The following SDK1 variants were observed in gnomAD, a reference collection of about 807,000 sequenced individuals.
SDK1 encodes sidekick cell adhesion molecule 1.
A neutral mutation model predicts 245.5 loss-of-function variants in SDK1; 157 were observed. The observed-to-expected ratio is 0.64, with a 90% CI of 0.56 to 0.73. The LOEUF is 0.73. SDK1 is among the 30% of genes least tolerant of loss of function. The probability of loss-of-function intolerance (pLI) is 0.00; values close to 1 mark genes in which losing one functional copy is unlikely to be tolerated. For synonymous variants in SDK1, 1,647 were observed against 1,278.5 expected (o/e 1.29, Z -6.15); for missense variants, 3,583 against 3,002.3 (o/e 1.19, Z -4.52).
At chr7:3,854,838 A>T (rs1780505038) in intron 5 of SDK1, among the ~76,000 whole-genome samples, 1 of 152,154 alleles carries the variant, frequency 6.6e-6, no homozygotes, top group Non-Finnish European at 1.5e-5. Context: ...GGGATGTATT[A>T]TGAGGAATCG....
intron 4 of SDK1, among the ~76,000 whole-genome samples, chr7:3,707,165 T>C (rs1784915238): frequency 6.6e-6 from 1 of 152,238 alleles, no homozygotes; most frequent in South Asian, 2.1e-4. Flanking sequence ...TTATGATCTT[T>C]CAGAATTTTT....
intron 4 of SDK1, among the ~76,000 whole-genome samples, chr7:3,811,354 A>T (rs750205797): frequency 6.6e-6 from 1 of 152,176 alleles, no homozygotes; most frequent in South Asian, 2.1e-4. Context: ...TCATGGTGTC[A>T]TTGATGGTGT....
intron 4 of SDK1, among the ~76,000 whole-genome samples, chr7:3,667,745 G>A (rs1236842165): frequency 6.6e-6 from 1 of 152,092 alleles, no homozygotes; most frequent in Non-Finnish European, 1.5e-5. Flanking sequence ...TAATGCATCT[G>A]GTACTCATCT....
intron 2 of SDK1, among the ~76,000 whole-genome samples, chr7:3,627,240 G>A (rs906540056): frequency 1.1e-4 from 16 of 152,060 alleles, no homozygotes; most frequent in African/African-American, 2.9e-4. Context: ...ACACTACCAG[G>A]CATTGTTCCG....
At chr7:3,314,410 C>G (rs1309689231) in intron 1 of SDK1, among the ~76,000 whole-genome samples, 1 of 152,150 alleles carries the variant, frequency 6.6e-6, no homozygotes, top group African/African-American at 2.4e-5. Flanking sequence ...GGACTTGGAT[C>G]TTGGCCAGCA....
intron 1 of SDK1, among the ~76,000 whole-genome samples, chr7:3,366,196 A>C (rs1781086139): frequency 1.3e-5 from 2 of 152,212 alleles, no homozygotes; most frequent in Admixed American, 6.5e-5. Flanking sequence ...ATTAAATAAA[A>C]AGTTCTACAT....
chr7:3,307,942 C>G lies in SDK1; in HGVS notation c.298+6058C>G, dbSNP rs545687873. ...TGCATGTGTCTCCTGTCTGGGGATT[C>G]TGTAACTCCATATGTCTTAGCTTAG... On this transcript the variant is annotated intron_variant, in intron 1 of 44. Transcript: ENST00000404826. Among the ~76,000 whole-genome samples the G allele has an allele frequency of 3.9e-5, 6 of 152,252 alleles. No individual in the cohort carries two copies. In the South Asian group the frequency reaches 1.2e-3, roughly 32 times the overall value.
chr7:3,440,967 C>G (rs750269292), intron 1 of SDK1, among the ~76,000 whole-genome samples: 21 of 152,248 alleles, frequency 1.4e-4, no homozygotes, highest in East Asian at 5.8e-4. Flanking sequence ...ATGAGTTACA[C>G]CAAGTGAGGG....
intron 1 of SDK1, among the ~76,000 whole-genome samples, chr7:3,463,875 C>G (rs1318718226): frequency 4.6e-5 from 7 of 152,190 alleles, no homozygotes; most frequent in Admixed American, 4.6e-4. Context: ...GCTTCTTGGA[C>G]ACATTCCAGG....
At chr7:4,144,276 A>G (rs929573976) in intron 28 of SDK1, among the ~76,000 whole-genome samples, 4 of 152,224 alleles carry the variant, frequency 2.6e-5, no homozygotes, top group Non-Finnish European at 5.9e-5. Flanking sequence ...CACATCCAGG[A>G]AGTCTCAGAA....
intron 7 of SDK1, among the ~76,000 whole-genome samples, chr7:3,953,287 G>A (rs941356109): frequency 5.3e-5 from 8 of 152,022 alleles, no homozygotes; most frequent in Admixed American, 4.6e-4. Flanking sequence ...ATGACTCCAT[G>A]TCCTGACCTT....
chr7:3,516,782 T>C (rs1237232275), intron 1 of SDK1, among the ~76,000 whole-genome samples: 2 of 152,184 alleles, frequency 1.3e-5, no homozygotes, highest in African/African-American at 4.8e-5. Context: ...TTAGACATTT[T>C]TACTTTAAAA....
At chr7:4,218,843 A>G (rs188623570) in intron 38 of SDK1, among the ~76,000 whole-genome samples, 2 of 152,064 alleles carry the variant, frequency 1.3e-5, no homozygotes, top group African/African-American at 4.8e-5. Context: ...GTGGAGATTA[A>G]TCTATTGAAA....
At chr7:4,220,313 A>AATGATAC in intron 39 of SDK1, 43 bp downstream of exon 39, 1 of 1,588,610 alleles carries the variant, frequency 6.3e-7, no homozygotes, top group Non-Finnish European at 8.6e-7. Context: ...TTGCAACTTT[A>AATGATAC]GCCTCCCGCC....
intron 1 of SDK1, among the ~76,000 whole-genome samples, chr7:3,547,041 C>T (rs962598080): frequency 6.6e-6 from 1 of 152,056 alleles, no homozygotes; most frequent in Admixed American, 6.5e-5. Context: ...AAAAATGTAG[C>T]TCATACATAG....
chr7:3,713,677 C>T (rs931717627), intron 4 of SDK1, among the ~76,000 whole-genome samples: 5 of 152,204 alleles, frequency 3.3e-5, no homozygotes, highest in Non-Finnish European at 7.3e-5. Flanking sequence ...CTTTCTGTCA[C>T]AGTATTTGAT....
intron 1 of SDK1, among the ~76,000 whole-genome samples, chr7:3,474,758 A>T (rs943244680): frequency 6.6e-6 from 1 of 152,066 alleles, no homozygotes; most frequent in African/African-American, 2.4e-5. Context: ...TGGCATGATC[A>T]TAGCTCACTG....
At chr7:3,706,840 G>A (rs1562385775) in intron 4 of SDK1, among the ~76,000 whole-genome samples, 1 of 152,078 alleles carries the variant, frequency 6.6e-6, no homozygotes, top group Non-Finnish European at 1.5e-5. Context: ...TTTCTAATTT[G>A]TGTGCACAAA....
chr7:4,256,289 G>A (rs965836948), intron 44 of SDK1, among the ~76,000 whole-genome samples: 1 of 152,138 alleles, frequency 6.6e-6, no homozygotes, highest in Non-Finnish European at 1.5e-5. Flanking sequence ...CTGGGGAGAG[G>A]GTCTGCTGAC....
Sources: allele counts gnomAD v4.1 joint callset (sites outside exome capture counted in the v4.1 genomes callset), GRCh38; gene constraint gnomAD v4.1.1; transcripts MANE v1.5; gene names NCBI Gene and HGNC (gene_info 2026-07-23, HGNC 2026-07-21).